DICER1: variants seen among roughly 807,000 people sequenced by gnomAD.
DICER1 encodes dicer 1, ribonuclease III.
Under a neutral mutation model 194.1 loss-of-function variants are expected in DICER1, and 43 were observed. The observed-to-expected ratio is 0.22, with a 90% CI of 0.17 to 0.29. The LOEUF is 0.29. Ranked by LOEUF, DICER1 falls within the 10% of genes least tolerant of loss-of-function variation. The pLI, the probability that DICER1 is intolerant of heterozygous loss-of-function variation, is 1.00. For synonymous variants in DICER1, 832 were observed against 820.5 expected (o/e 1.01, Z -0.24); for missense variants, 1,608 against 2,317.0 (o/e 0.69, Z 6.28).
At position 95,107,666 on chromosome 14, in the gene DICER1, T is replaced by C; in HGVS notation, c.2746A>G (p.Lys916Glu). ...RIGIPSTKYT[K>E]ETPFVFKLED... ...AATTTAAAAACAAAGGGTGTTTCTT[T>C]TGTATACTTTGTACTGGGAATGCCT... is the stretch of plus-strand genomic sequence containing the variant. Residue 916 changes from lysine to glutamate, a missense_variant, in exon 17 of 27, where the codon AAA becomes GAA. This residue lies in a region of DICER1 where 150 missense variants were observed against 216.0 expected (regional missense o/e 0.69). Coordinates refer to ENST00000343455, the MANE Select transcript of DICER1 (RefSeq NM_177438.3). 2 of 1,613,588 alleles carry C rather than the reference T, an allele frequency of 1.2e-6. No individual in the cohort carries two copies. The highest frequency in any genetic ancestry group is 4.5e-5 in the East Asian group (2 of 44,874).
At chr14:95,142,144 G>A (rs925846958) in intron 1 of DICER1, among the ~76,000 whole-genome samples, 1 of 151,310 alleles carries the variant, frequency 6.6e-6, no homozygotes, top group Non-Finnish European at 1.5e-5. Context: ...ATTTTGTAGA[G>A]CTGGGGCCAC....
chr14:95,150,211 C>T (rs561747314), intron 1 of DICER1, among the ~76,000 whole-genome samples: 3 of 152,308 alleles, frequency 2.0e-5, no homozygotes, highest in East Asian at 3.9e-4. Context: ...AGGCCGGGCA[C>T]GGTGGCTCAT....
At position 95,089,880 on chromosome 14, in the gene DICER1, T is replaced by A. The variant is rs1382088891; in HGVS notation, c.*618A>T. Reference sequence around the variant, plus strand: ...GCAAGACTATGTGGCATCAGAAAACTAAAATGTGATTCACCAACATGCCAG... The same window carrying A: ...GCAAGACTATGTGGCATCAGAAAACAAAAATGTGATTCACCAACATGCCAG... On this transcript the variant is annotated 3_prime_UTR_variant, in exon 27 of 27. Transcript: ENST00000343455. 4.3e-6 allele frequency: 1 copy of A among 233,040 alleles called. No homozygotes were observed. The highest frequency in any genetic ancestry group is 8.5e-6 in the Non-Finnish European group (1 of 117,882). 14.4% of individuals were successfully genotyped at this position (233,040 alleles called of 1,614,324 possible).
intron 5 of DICER1, 51 bp from the exon 6 acceptor site, chr14:95,129,683 A>G (rs1440077152): frequency 2.1e-5 from 32 of 1,519,646 alleles, no homozygotes; most frequent in Non-Finnish European, 2.9e-5. Flanking sequence ...GCAAGGCTAT[A>G]ACAAGAGAGA....
rs958434315 is a variant in DICER1 at position 95,091,330 on chromosome 14, C to T, written c.5400G>A (p.Glu1800=). The part of the protein sequence containing the change: ...RRSEEDEEKE[E]DIEVPKAMGD... ...CCATGGCCTTTGGAACTTCAATATC[C>T]TCTTCTTTCTCTTCATCCTCCTCAG... The change falls in exon 25 of 27, where the codon GAG becomes GAA. Residue 1800 remains glutamate, a synonymous_variant. Transcript: ENST00000343455. 2 of 1,614,078 alleles carry T rather than the reference C, an allele frequency of 1.2e-6. No individual in the cohort carries two copies. Among genetic ancestry groups the T allele is most frequent in the South Asian group, 2.2e-5 (2 of 91,082 alleles).
intron 1 of DICER1, among the ~76,000 whole-genome samples, chr14:95,150,485 TAAC>T (rs898884162): frequency 6.6e-6 from 1 of 152,126 alleles, no homozygotes; most frequent in African/African-American, 2.4e-5. Context: ...GACTCAGCAT[TAAC>T]AACAACAAAA....
intron 8 of DICER1, among the ~76,000 whole-genome samples, chr14:95,122,263 T>G (rs190413249): frequency 2.2e-4 from 33 of 152,148 alleles, no homozygotes; most frequent in Non-Finnish European, 4.4e-5. Flanking sequence ...TGGCACATCT[T>G]TACCTAAAAA....
Position 95,108,013 on chromosome 14 carries a change from A to C in DICER1, c.2517T>G (p.Ser839=). ...TTGTAATCAACTCAAGCATTTGTAG[A>C]GACAACATGAAACCAGACTTCTTCA... ...IELKKSGFML[S]LQMLELITRL... The change falls in exon 16 of 27, where the codon TCT becomes TCG. Residue 839 remains serine, a synonymous_variant. Transcript: ENST00000343455. 1 of 1,613,676 alleles carries C rather than the reference A, an allele frequency of 6.2e-7. No homozygotes were observed. Among genetic ancestry groups the C allele is most frequent in the African/African-American group, 1.3e-5 (1 of 75,066 alleles).
Position 95,104,805 on chromosome 14 carries a change from T to G in DICER1, c.3269+266A>C, listed in dbSNP as rs1891261081. 2.0e-5 allele frequency among the ~76,000 whole-genome samples: 3 copies of G among 152,312 alleles called. No homozygotes were observed. In the South Asian group the frequency reaches 6.2e-4, roughly 32 times the overall value. ...ATTGCTTTTTAACATATATTTGGAT[T>G]TTTAAAAGAAAAAACAGACTGAAAA... On this transcript the variant is annotated intron_variant, in intron 20 of 26. Coordinates refer to ENST00000343455, the MANE Select transcript of DICER1 (RefSeq NM_177438.3).
At chr14:95,156,032 A>T (rs887253106) in intron 1 of DICER1, among the ~76,000 whole-genome samples, 1 of 152,254 alleles carries the variant, frequency 6.6e-6, no homozygotes, top group East Asian at 1.9e-4. Flanking sequence ...GACCTGGCTT[A>T]TCCCGAACCC....
At chr14:95,095,094 C>T (rs191183789) in intron 23 of DICER1, among the ~76,000 whole-genome samples, 240 of 152,316 alleles carry the variant, frequency 1.6e-3, no homozygotes, top group Middle Eastern at 6.8e-3. Flanking sequence ...CCTTAACCTA[C>T]GCTGCTTTTA....
Position 95,091,028 on chromosome 14 carries a change from G to A in DICER1, c.5603+6C>T. ...AATGTTTTTTCCATGTACATTTTTT[G>A]CTTACCTAAATTTGGCAGTTTCTGG... On this transcript the variant is annotated splice_donor_region_variant and intron_variant, in intron 26 of 26. Coordinates refer to ENST00000343455, the MANE Select transcript of DICER1 (RefSeq NM_177438.3). 1 of 1,611,070 alleles carries A rather than the reference G, an allele frequency of 6.2e-7. No individual in the cohort carries two copies. The highest frequency in any genetic ancestry group is 1.7e-5 in the Admixed American group (1 of 59,942).
rs144883651 is a variant in DICER1 at position 95,100,437 on chromosome 14, C to G, written c.4051-502G>C. Reference sequence around the variant, plus strand: ...TGAAACAATGTTATATTCCTAGAATCGAAGCCACAAACGGGATTTCAACTG... The same window carrying G: ...TGAAACAATGTTATATTCCTAGAATGGAAGCCACAAACGGGATTTCAACTG... On this transcript the variant is annotated intron_variant, in intron 21 of 26. Transcript: ENST00000343455. Among the ~76,000 whole-genome samples the G allele has an allele frequency of 7.2e-3, 1,090 of 152,260 alleles. 12 individuals carry two copies. Among genetic ancestry groups the G allele is most frequent in the African/African-American group, 0.025 (1,043 of 41,546 alleles).
rs141893170 is a variant in DICER1, at chr14:95,122,917, C to G, written c.1376+1279G>C. Among the ~76,000 whole-genome samples the G allele has an allele frequency of 2.2e-4, 33 of 151,504 alleles. 1 individual carries two copies. The East Asian group carries it at 6.4e-3, about 30-fold the overall frequency. On this transcript the variant is annotated intron_variant, in intron 8 of 26. Transcript: ENST00000343455. The stretch of plus-strand genomic sequence containing the variant: ...CTAAACATTCAGAAGCAGTTAAGCG[C>G]GTGTGCGCGTGCGTGTACGCGCGCG...
At chr14:95,091,904 T>G (rs1054052228) in intron 24 of DICER1, among the ~76,000 whole-genome samples, 10 of 152,218 alleles carry the variant, frequency 6.6e-5, no homozygotes, top group Non-Finnish European at 1.5e-4. Context: ...ATGTGTTCAC[T>G]ATAACCGAGT....
intron 23 of DICER1, chr14:95,095,512 T>C (rs199621932): frequency 5.3e-6 from 2 of 380,940 alleles, no homozygotes; most frequent in East Asian, 1.1e-4. Context: ...AAGAGAAAGA[T>C]ATTTGCGGAG....
At chr14:95,147,421 C>T (rs1164445313) in intron 1 of DICER1, among the ~76,000 whole-genome samples, 2 of 152,172 alleles carry the variant, frequency 1.3e-5, no homozygotes, top group Non-Finnish European at 2.9e-5. Context: ...GATCACACCA[C>T]TGCACTCCAG....
Position 95,129,652 on chromosome 14 carries a change from T to C in DICER1, c.574-20A>G, listed in dbSNP as rs763607306. The C allele has an allele frequency of 2.5e-6, 4 of 1,606,210 alleles. No homozygotes were observed. The South Asian group carries it at 3.3e-5, about 13-fold the overall frequency. On this transcript the variant is annotated intron_variant, in intron 5 of 26. Coordinates refer to ENST00000343455, the MANE Select transcript of DICER1 (RefSeq NM_177438.3). ...ACAGAGCTAACATAATAAAAGATACTGACAGTAAAGACTTCATTTTGCAAG... is the reference window on the plus strand; with the variant it reads ...ACAGAGCTAACATAATAAAAGATACCGACAGTAAAGACTTCATTTTGCAAG...
intron 1 of DICER1, among the ~76,000 whole-genome samples, chr14:95,152,534 C>T (rs1405768413): frequency 1.3e-5 from 2 of 152,168 alleles, no homozygotes; most frequent in East Asian, 3.9e-4. Context: ...TAAACCTTAA[C>T]ACAACCAAGA....
Sources: allele counts gnomAD v4.1 joint callset (sites outside exome capture counted in the v4.1 genomes callset), GRCh38; gene constraint gnomAD v4.1.1; regional missense constraint gnomAD v4.1.1; transcripts MANE v1.5; gene names NCBI Gene and HGNC (gene_info 2026-07-23, HGNC 2026-07-21).